The following MECOM variants were observed in gnomAD, a reference collection of about 807,000 sequenced individuals.
The protein encoded by MECOM is histone-lysine N-methyltransferase MECOM.
MECOM carries 13 observed loss-of-function variants against 116.3 expected under a neutral mutation model. That is an observed-to-expected ratio of 0.11 (90% confidence interval 0.07 to 0.18). The LOEUF is 0.18. MECOM is among the 10% of genes least tolerant of loss of function. MECOM has a pLI of 1.00. For synonymous variants in MECOM, 528 were observed against 535.2 expected (o/e 0.99, Z 0.19); for missense variants, 1,299 against 1,509.0 (o/e 0.86, Z 2.31).
intron 2 of MECOM, among the ~76,000 whole-genome samples, chr3:169,163,207 A>T (rs1559938782): frequency 6.6e-6 from 1 of 151,948 alleles, no homozygotes; most frequent in East Asian, 1.9e-4. Flanking sequence ...ATATCCATTC[A>T]TTTTTTTTCT....
intron 1 of MECOM, among the ~76,000 whole-genome samples, chr3:169,610,635 CAT>C (rs1769150463): frequency 1.3e-5 from 2 of 152,062 alleles, no homozygotes; most frequent in African/African-American, 2.4e-5. Flanking sequence ...ACACCAGAAA[CAT>C]ATTTGCTGTG....
intron 2 of MECOM, among the ~76,000 whole-genome samples, chr3:169,166,886 C>CT (rs1456110077): frequency 1.3e-5 from 2 of 152,042 alleles, no homozygotes; most frequent in Admixed American, 6.6e-5. Flanking sequence ...GCACTTGGCC[C>CT]TTTTTTTATT....
intron 2 of MECOM, among the ~76,000 whole-genome samples, chr3:169,376,717 T>A (rs1178254587): frequency 6.6e-6 from 1 of 152,062 alleles, no homozygotes; most frequent in Non-Finnish European, 1.5e-5. Context: ...TGCTAATGGA[T>A]AGGAAGAATC....
chr3:169,593,372 C>T (rs1339297142), intron 1 of MECOM, among the ~76,000 whole-genome samples: 1 of 152,192 alleles, frequency 6.6e-6, no homozygotes, highest in Non-Finnish European at 1.5e-5. Context: ...AGGAAAACAG[C>T]ATAAATATTA....
intron 2 of MECOM, among the ~76,000 whole-genome samples, chr3:169,277,263 C>T (rs1051030649): frequency 3.3e-5 from 5 of 152,098 alleles, no homozygotes; most frequent in Admixed American, 2.6e-4. Context: ...TTCTTCTTGA[C>T]TCCGTAAGCA....
intron 6 of MECOM, 29 bp downstream of exon 6, chr3:169,122,551 A>G: frequency 6.2e-7 from 1 of 1,613,378 alleles, no homozygotes. Context: ...TGACATAGAG[A>G]GGCCAAGTAG....
intron 2 of MECOM, among the ~76,000 whole-genome samples, chr3:169,282,112 T>C (rs1712188658): frequency 6.6e-6 from 1 of 152,310 alleles, no homozygotes; most frequent in East Asian, 1.9e-4. Context: ...ATATCTATTA[T>C]CTCTAAAAGT....
intron 2 of MECOM, among the ~76,000 whole-genome samples, chr3:169,362,569 G>A (rs956712842): frequency 2.4e-4 from 36 of 152,016 alleles, no homozygotes; most frequent in Middle Eastern, 6.8e-3. Context: ...AGGGGTGGGG[G>A]CTAGGAGTAA....
intron 2 of MECOM, among the ~76,000 whole-genome samples, chr3:169,366,129 A>G (rs957533062): frequency 2.6e-5 from 4 of 151,944 alleles, no homozygotes; most frequent in African/African-American, 9.7e-5. Flanking sequence ...TTAAGGCTAG[A>G]TGAGGTCTGG....
At chr3:169,568,320 CAGG>C (rs1763484156) in intron 1 of MECOM, among the ~76,000 whole-genome samples, 1 of 152,130 alleles carries the variant, frequency 6.6e-6, no homozygotes, top group Non-Finnish European at 1.5e-5. Context: ...GAGCTAGCTG[CAGG>C]AGTTTTTTTT....
intron 1 of MECOM, among the ~76,000 whole-genome samples, chr3:169,516,472 T>C (rs12492630): frequency 0.018 from 2,755 of 152,330 alleles, 30 homozygotes; most frequent in Middle Eastern, 0.037. Flanking sequence ...CTTTTAGTTA[T>C]CTGTAAATTT....
At chr3:169,508,702 T>A (rs1409810874) in intron 1 of MECOM, among the ~76,000 whole-genome samples, 2 of 152,138 alleles carry the variant, frequency 1.3e-5, no homozygotes, top group African/African-American at 2.4e-5. Flanking sequence ...AATAAAATTA[T>A]TTTTTTCCTA....
At chr3:169,193,212 G>C (rs1163920657) in intron 2 of MECOM, among the ~76,000 whole-genome samples, 1 of 151,904 alleles carries the variant, frequency 6.6e-6, no homozygotes, top group Non-Finnish European at 1.5e-5. Flanking sequence ...AATACTGAAT[G>C]GACAAAGACT....
chr3:169,648,429 T>C (rs1042554460), intron 1 of MECOM, among the ~76,000 whole-genome samples: 1 of 152,234 alleles, frequency 6.6e-6, no homozygotes. Flanking sequence ...AAAAAATATA[T>C]ATGATACAAT....
chr3:169,379,950 T>C (rs1468348856), intron 2 of MECOM, among the ~76,000 whole-genome samples: 2 of 152,162 alleles, frequency 1.3e-5, no homozygotes, highest in African/African-American at 2.4e-5. Flanking sequence ...TCAGCTTTAC[T>C]GGGGCTATGG....
chr3:169,426,281 C>G (rs1255250777), intron 1 of MECOM, among the ~76,000 whole-genome samples: 2 of 152,050 alleles, frequency 1.3e-5, no homozygotes, highest in African/African-American at 2.4e-5. Flanking sequence ...TAGCATTTTC[C>G]CAATGATTCT....
intron 8 of MECOM, among the ~76,000 whole-genome samples, chr3:169,113,648 T>G (rs1728175449): frequency 6.6e-6 from 1 of 151,966 alleles, no homozygotes; most frequent in Admixed American, 6.6e-5. Context: ...CATAGGGAAA[T>G]AATATCCCTA....
Position 169,208,041 on chromosome 3 carries a change from C to T in MECOM, c.376-64209G>A, listed in dbSNP as rs1001445843. On this transcript the variant is annotated intron_variant, in intron 2 of 16. Transcript: ENST00000651503. ...TAACAAGATAGAAAAGTAATTATTA[C>T]TTTACCTCTTTACAGATAAGAAAAT... is the stretch of plus-strand genomic sequence containing the variant. Among the ~76,000 whole-genome samples the T allele has an allele frequency of 9.9e-5, 15 of 151,996 alleles. No individual in the cohort carries two copies. The East Asian group carries it at 2.9e-3, about 29-fold the overall frequency.
chr3:169,547,056 C>T (rs1347082453), intron 1 of MECOM, among the ~76,000 whole-genome samples: 2 of 152,208 alleles, frequency 1.3e-5, no homozygotes, highest in African/African-American at 4.8e-5. Flanking sequence ...TATAGTTTGA[C>T]TCTGTGTCCC....
Sources: allele counts gnomAD v4.1 joint callset (sites outside exome capture counted in the v4.1 genomes callset), GRCh38; gene constraint gnomAD v4.1.1; transcripts MANE v1.5; gene names NCBI Gene and HGNC (gene_info 2026-07-23, HGNC 2026-07-21).